The following TXLNB variants were observed in gnomAD, a reference collection of about 807,000 sequenced individuals.
TXLNB encodes the protein beta-taxilin.
In TXLNB, 37 loss-of-function variants were observed where a neutral mutation model predicts 57.4. The ratio of observed to expected loss-of-function variants is 0.64; its 90% CI spans 0.50 to 0.85. TXLNB has a LOEUF of 0.85. TXLNB is among the 40% of genes least tolerant of loss of function. TXLNB has a pLI of 0.00. For synonymous variants in TXLNB, 302 were observed against 309.6 expected (o/e 0.98, Z 0.26); for missense variants, 848 against 825.6 (o/e 1.03, Z -0.33).
upstream of TXLNB, among the ~76,000 whole-genome samples, chr6:139,296,363 T>A (rs1194365676): frequency 1.3e-5 from 2 of 152,222 alleles, no homozygotes; most frequent in Non-Finnish European, 2.9e-5. Context: ...TTTTCCCCTG[T>A]CTTTTAGTTT....
chr6:139,270,479 G>T lies in TXLNB; in HGVS notation c.664C>A (p.Gln222Lys). The change falls in exon 4 of 10, where the codon CAG (glutamine) becomes AAG (lysine). Residue 222 changes from glutamine to lysine, a missense_variant. Coordinates refer to ENST00000358430, the MANE Select transcript of TXLNB (RefSeq NM_153235.4). ...SKLESLCRELQRHNKTLKEEA... is the reference protein window; with the variant it reads ...SKLESLCRELKRHNKTLKEEA... Reference sequence around the variant, plus strand: ...ACCTTCAGAGTCTTGTTGTGTCTCTGCAGCTCCCGGCACAGACTCTCCAAT... The same window carrying T: ...ACCTTCAGAGTCTTGTTGTGTCTCTTCAGCTCCCGGCACAGACTCTCCAAT... The T allele has an allele frequency of 6.2e-7, 1 of 1,614,042 alleles. No homozygotes were observed. Among genetic ancestry groups the T allele is most frequent in the African/African-American group, 1.3e-5 (1 of 75,018 alleles).
At chr6:139,164,078 A>T in the TXLNB span, among the ~76,000 whole-genome samples, 4 of 78,548 alleles carry the variant, frequency 5.1e-5, no homozygotes, top group African/African-American at 1.4e-4. Context: ...ACACACACAC[A>T]CACTCTCTCT....
chr6:139,191,192 G>A, the TXLNB span, among the ~76,000 whole-genome samples: 1 of 152,102 alleles, frequency 6.6e-6, no homozygotes. Context: ...GGCCGAGATG[G>A]GCGGATCACC....
At position 139,276,940 on chromosome 6, in the gene TXLNB, G is replaced by A; in HGVS notation, c.425-19C>T. ...TCTTTGCCTTAAAAAAAAAAGACAT[G>A]AAAAAAATAAGTGTTGAATTTACAG... On this transcript the variant is annotated intron_variant, in intron 2 of 9. Transcript: ENST00000358430. 1.9e-6 allele frequency: 3 copies of A among 1,559,518 alleles called. No individual in the cohort carries two copies. Among genetic ancestry groups the A allele is most frequent in the South Asian group, 2.4e-5 (2 of 84,964 alleles).
chr6:139,206,158 C>T, the TXLNB span, among the ~76,000 whole-genome samples: 1 of 152,126 alleles, frequency 6.6e-6, no homozygotes, highest in Non-Finnish European at 1.5e-5. Flanking sequence ...ACCGGCACTA[C>T]AAGAAATGCT....
the TXLNB span, among the ~76,000 whole-genome samples, chr6:139,217,715 A>G: frequency 6.6e-6 from 1 of 151,996 alleles, no homozygotes; most frequent in South Asian, 2.1e-4. Context: ...AAAAAATACA[A>G]AAAATTAGCC....
the TXLNB span, among the ~76,000 whole-genome samples, chr6:139,229,381 G>A: frequency 1.1e-4 from 16 of 152,072 alleles, no homozygotes; most frequent in Admixed American, 3.3e-4. Context: ...GGAGACCAAT[G>A]GCGTGGTCTT....
chr6:139,223,520 G>A, the TXLNB span, among the ~76,000 whole-genome samples: 1 of 152,100 alleles, frequency 6.6e-6, no homozygotes, highest in Non-Finnish European at 1.5e-5. Flanking sequence ...CCTACAAAAT[G>A]GGAGAAAATT....
rs552119260 is a variant in TXLNB, at chr6:139,259,348, G to A, written c.1002+970C>T. Among the ~76,000 whole-genome samples the A allele has an allele frequency of 8.5e-4, 129 of 152,318 alleles. 2 individuals are homozygous for A. In the South Asian group the frequency reaches 0.025, roughly 29 times the overall value. ...TTTTTAAGCCCTACAAAGCTACACA[G>A]TTTGGCACCTGCTTACCTCTCCAAC... On this transcript the variant is annotated intron_variant, in intron 6 of 9. Transcript: ENST00000358430.
chr6:139,303,075 T>C, the TXLNB span, among the ~76,000 whole-genome samples: 1 of 152,266 alleles, frequency 6.6e-6, no homozygotes, highest in Non-Finnish European at 1.5e-5. Flanking sequence ...AAGTCATGGA[T>C]ATTTTGATTT....
the TXLNB span, among the ~76,000 whole-genome samples, chr6:139,313,368 G>A: frequency 3.3e-5 from 5 of 152,204 alleles, no homozygotes; most frequent in Non-Finnish European, 7.4e-5. Context: ...CGCTGCGCCC[G>A]GCCTGTCTTT....
At chr6:139,253,326 A>C (rs1192971311) in intron 7 of TXLNB, among the ~76,000 whole-genome samples, 2 of 152,224 alleles carry the variant, frequency 1.3e-5, no homozygotes, top group African/African-American at 2.4e-5. Flanking sequence ...CATAGGCATA[A>C]TTTCCATCCA....
At chr6:139,288,147 G>A (rs1196566920) in intron 2 of TXLNB, among the ~76,000 whole-genome samples, 7 of 152,232 alleles carry the variant, frequency 4.6e-5, no homozygotes, top group Admixed American at 6.5e-5. Flanking sequence ...GTTCAGGAAG[G>A]TGATGTTGTA....
the TXLNB span, among the ~76,000 whole-genome samples, chr6:139,214,157 C>T: frequency 1.3e-5 from 2 of 152,144 alleles, no homozygotes; most frequent in Non-Finnish European, 2.9e-5. Flanking sequence ...ATACCAAAGC[C>T]TGGCAGAGAC....
At chr6:139,174,565 C>G in the TXLNB span, 1 of 1,604,788 alleles carries the variant, frequency 6.2e-7, no homozygotes, top group Non-Finnish European at 8.5e-7. Context: ...ACTGAGGGAG[C>G]AGTGGGTGAT....
At chr6:139,198,246 T>C in the TXLNB span, among the ~76,000 whole-genome samples, 2 of 151,998 alleles carry the variant, frequency 1.3e-5, no homozygotes, top group African/African-American at 2.4e-5. Context: ...GGAAGCAACA[T>C]GCCCAGACAA....
At chr6:139,210,345 C>A in the TXLNB span, among the ~76,000 whole-genome samples, 1 of 152,172 alleles carries the variant, frequency 6.6e-6, no homozygotes, top group African/African-American at 2.4e-5. Flanking sequence ...TCCAATCTAG[C>A]AATCCCACTA....
chr6:139,185,246 C>G, the TXLNB span, among the ~76,000 whole-genome samples: 1 of 151,346 alleles, frequency 6.6e-6, no homozygotes, highest in Non-Finnish European at 1.5e-5. Flanking sequence ...CACAGGATAC[C>G]TAAAAGGTCA....
In TXLNB at chr6:139,281,685, A is replaced by T. The variant is rs1325014226; in HGVS notation, c.425-4764T>A. Among the ~76,000 whole-genome samples the T allele has an allele frequency of 1.8e-5, 2 of 108,538 alleles. 1 individual carries two copies. The highest frequency in any genetic ancestry group is 3.4e-5 in the Non-Finnish European group (2 of 59,136). The allele number at this position is 108,538 out of a possible 152,430, so 71.2% of individuals were successfully genotyped here. A position where few individuals can be genotyped will look rare whatever the true frequency, so the allele number is the denominator to read the frequency against. ...TGCCTCAGCCTCCCGAGTAGCTGGG[A>T]CTACAGGCGCCCGCTACCACGCCCG... is the stretch of plus-strand genomic sequence containing the variant. On this transcript the variant is annotated intron_variant, in intron 2 of 9. Coordinates refer to ENST00000358430, the MANE Select transcript of TXLNB (RefSeq NM_153235.4).
Sources: allele counts gnomAD v4.1 joint callset (sites outside exome capture counted in the v4.1 genomes callset), GRCh38; gene constraint gnomAD v4.1.1; transcripts MANE v1.5; gene names NCBI Gene and HGNC (gene_info 2026-07-23, HGNC 2026-07-21).